SLC38A6: variants seen among roughly 807,000 people sequenced by gnomAD.
SLC38A6 encodes the protein N system amino acid transporter NAT-1.
In SLC38A6, 73 loss-of-function variants were observed where a neutral mutation model predicts 65.0. That is an observed-to-expected ratio of 1.12 (90% confidence interval 0.93 to 1.37). SLC38A6 has a LOEUF of 1.37. SLC38A6 is among the 40% of genes most tolerant of loss of function. The pLI is 0.00. For synonymous variants in SLC38A6, 183 were observed against 178.8 expected, an observed-to-expected ratio of 1.02 and a Z score of -0.19; for missense variants, 561 against 531.1, an observed-to-expected ratio of 1.06 and a Z score of -0.55.
intron 3 of SLC38A6, among the ~76,000 whole-genome samples, chr14:60,986,720 T>C (rs2037475493): frequency 6.6e-6 from 1 of 152,264 alleles, no homozygotes; most frequent in Non-Finnish European, 1.5e-5. Flanking sequence ...AAATTTTACT[T>C]AATTGTGATA....
At chr14:61,042,328 C>A (rs1399644511) in intron 8 of SLC38A6, among the ~76,000 whole-genome samples, 1 of 152,106 alleles carries the variant, frequency 6.6e-6, no homozygotes, top group Admixed American at 6.5e-5. Context: ...CTACAAAGAA[C>A]AAATACTTCC....
intron 12 of SLC38A6, among the ~76,000 whole-genome samples, chr14:61,048,923 C>G (rs2042332931): frequency 6.6e-6 from 1 of 152,198 alleles, no homozygotes; most frequent in South Asian, 2.1e-4. Context: ...TCCAAAGACT[C>G]ACAAGTATCT....
In SLC38A6 at chr14:60,984,802, A is replaced by G. The variant is rs1024723234; in HGVS notation, c.309A>G (p.Thr103=). The G allele has an allele frequency of 3.1e-6, 5 of 1,613,306 alleles. No homozygotes were observed. The highest frequency in any genetic ancestry group is 1.1e-5 in the South Asian group (1 of 91,066). ...VHLLLSMCIQ[T]AVTSYEDLGL... ...TTCTGCTTAGTATGTGTATTCAGAC[A>G]GGTGAGTAAAAATGTTATGCTGCTT... is the stretch of plus-strand genomic sequence containing the variant. Residue 103 remains threonine, a splice_region_variant and synonymous_variant, in exon 3 of 16, where the codon ACA becomes ACG. Coordinates refer to ENST00000267488, the MANE Select transcript of SLC38A6 (RefSeq NM_153811.3).
chr14:61,052,012 C>A, intron 14 of SLC38A6, 29 bp from the exon 15 acceptor site: 1 of 1,597,756 alleles, frequency 6.3e-7, no homozygotes, highest in South Asian at 1.1e-5. Context: ...CCAGCAATAT[C>A]CTCTCTTTTT....
chr14:60,982,103 T>C (rs761596418), intron 1 of SLC38A6: 4 of 457,012 alleles, frequency 8.8e-6, no homozygotes, highest in Admixed American at 4.7e-5. Context: ...TGTGCAGTCC[T>C]AGTAATTGAG....
intron 15 of SLC38A6, among the ~76,000 whole-genome samples, chr14:61,071,718 T>G (rs1594789083): frequency 6.6e-6 from 1 of 151,952 alleles, no homozygotes; most frequent in Admixed American, 6.6e-5. Flanking sequence ...ATATACTGAT[T>G]TATATTCACA....
chr14:60,982,007 T>C (rs1477749240), intron 1 of SLC38A6, among the ~76,000 whole-genome samples: 1 of 152,184 alleles, frequency 6.6e-6, no homozygotes, highest in African/African-American at 2.4e-5. Context: ...ATTGCTTCTG[T>C]TTATAATATT....
chr14:61,020,285 C>G (rs993436872), intron 5 of SLC38A6, among the ~76,000 whole-genome samples: 1 of 152,012 alleles, frequency 6.6e-6, no homozygotes, highest in African/African-American at 2.4e-5. Context: ...TTATCATTGA[C>G]TGGAGTGCTA....
intron 3 of SLC38A6, among the ~76,000 whole-genome samples, chr14:60,993,348 A>T (rs1276395551): frequency 1.7e-4 from 26 of 152,160 alleles, no homozygotes; most frequent in Admixed American, 1.7e-3. Context: ...AGGCAAGCTA[A>T]CTCCAGAGTC....
At chr14:61,075,000 A>G (rs893430119) in intron 15 of SLC38A6, among the ~76,000 whole-genome samples, 4 of 152,192 alleles carry the variant, frequency 2.6e-5, no homozygotes, top group African/African-American at 9.7e-5. Flanking sequence ...TTTCACCTCA[A>G]TCAAAAAAAA....
intron 1 of SLC38A6, chr14:60,982,187 C>A (rs1391928202): frequency 2.1e-6 from 1 of 472,330 alleles, no homozygotes; most frequent in South Asian, 1.5e-5. Context: ...GAGGCCTTAT[C>A]CCTCCTCTCT....
In SLC38A6 at chr14:61,046,108, T is replaced by C. The variant is rs2042131673; in HGVS notation, c.866T>C (p.Ile289Thr). 6.2e-7 allele frequency: 1 copy of C among 1,612,022 alleles called. No homozygotes were observed. Among genetic ancestry groups the C allele is most frequent in the South Asian group, 1.1e-5 (1 of 90,766 alleles). Residue 289 changes from isoleucine (I) to threonine (T), a missense_variant, in exon 12 of 16, where the codon ATT becomes ACT. Transcript: ENST00000267488. Reference protein sequence around the residue: ...KRMQNVTNTAIALSFLIYFIS... With the variant: ...KRMQNVTNTATALSFLIYFIS... ...ATGCAGAATGTTACCAATACAGCAA[T>C]TGCTTTAAGTTTTCTCATTTATTTT...
At chr14:61,076,440 T>C (rs1459189426) in intron 15 of SLC38A6, among the ~76,000 whole-genome samples, 2 of 152,208 alleles carry the variant, frequency 1.3e-5, no homozygotes, top group Non-Finnish European at 2.9e-5. Context: ...CACAGTTATA[T>C]TCCCCATTTA....
At chr14:61,069,797 A>G (rs1186520594) in intron 15 of SLC38A6, among the ~76,000 whole-genome samples, 1 of 152,106 alleles carries the variant, frequency 6.6e-6, no homozygotes, top group African/African-American at 2.4e-5. Flanking sequence ...CAGATTTTAA[A>G]TTTACAAAAA....
At chr14:61,038,592 A>G (rs1331994965) in intron 8 of SLC38A6, among the ~76,000 whole-genome samples, 2 of 152,186 alleles carry the variant, frequency 1.3e-5, no homozygotes, top group African/African-American at 4.8e-5. Flanking sequence ...TCAGTAGTTA[A>G]GCCATATTAA....
At chr14:61,035,106 A>G (rs1343910181) in intron 6 of SLC38A6, among the ~76,000 whole-genome samples, 1 of 152,190 alleles carries the variant, frequency 6.6e-6, no homozygotes, top group Non-Finnish European at 1.5e-5. Context: ...AAACAATTTG[A>G]AAAAGTCCCT....
chr14:61,043,479 A>G lies in SLC38A6; in HGVS notation c.720A>G (p.Pro240=), dbSNP rs1189742300. The change falls in exon 10 of 16, where the codon CCA becomes CCG. Residue 240 remains proline, a synonymous_variant. Coordinates refer to ENST00000267488, the MANE Select transcript of SLC38A6 (RefSeq NM_153811.3). ...CAAATGTTACAGATGATTGTAAGCC[A>G]AAGCTCTTTCATTTCTCCAAAGAGG... ...QISNVTDDCK[P]KLFHFSKESA... 1.2e-6 allele frequency: 2 copies of G among 1,608,510 alleles called. No individual in the cohort carries two copies. Among genetic ancestry groups the G allele is most frequent in the Admixed American group, 3.4e-5 (2 of 58,694 alleles).
At chr14:60,991,934 C>T (rs749301034) in intron 3 of SLC38A6, among the ~76,000 whole-genome samples, 15 of 152,134 alleles carry the variant, frequency 9.9e-5, no homozygotes, top group Non-Finnish European at 1.9e-4. Context: ...ACTCCATTTT[C>T]TTGTTGCCAG....
intron 8 of SLC38A6, 152 bp from the exon 9 acceptor site, chr14:61,042,995 T>A (rs2041901386): frequency 1.9e-6 from 1 of 530,534 alleles, no homozygotes; most frequent in Admixed American, 4.0e-5. Context: ...CCATGTTAAA[T>A]GTTGACCCCA....
Sources: gnomAD v4.1 joint callset for allele counts (sites outside exome capture counted in the v4.1 genomes callset) on GRCh38, gnomAD v4.1.1 for gene constraint, MANE v1.5 for transcripts, NCBI Gene and HGNC (gene_info 2026-07-23, HGNC 2026-07-21) for gene names.